Variants in SLC27A1 observed in about 807,000 individuals in gnomAD.
SLC27A1 encodes the protein solute carrier family 27 member 1, also known as long-chain fatty acid transport protein 1.
Under a neutral mutation model 62.2 loss-of-function variants are expected in SLC27A1, and 61 were observed. The observed-to-expected ratio is 0.98, with a 90% CI of 0.80 to 1.21. The LOEUF (loss-of-function observed/expected upper bound fraction) is 1.21. Among genes scored for constraint, SLC27A1 ranks in the 50% most tolerant of loss-of-function variants. The probability of loss-of-function intolerance (pLI) is 0.00; values close to 1 mark genes in which losing one functional copy is unlikely to be tolerated. For missense variants in SLC27A1, 903 were observed against 932.1 expected (o/e 0.97, Z 0.41); for synonymous variants, 435 against 408.6 (o/e 1.06, Z -0.78).
At chr19:17,487,021 G>T (rs12979251) in intron 2 of SLC27A1, 64 bp downstream of exon 2, 536,590 of 1,535,040 alleles carry the variant, frequency 0.35, 100,799 homozygotes, top group Non-Finnish European at 0.39. Flanking sequence ...CGGGCGGGGA[G>T]ATGCTGCGCC....
At chr19:17,489,257 C>T (rs759975462) in intron 6 of SLC27A1, 140 bp downstream of exon 6, 6 of 681,008 alleles carry the variant, frequency 8.8e-6, no homozygotes, top group African/African-American at 1.8e-5. Flanking sequence ...GTCCCGTCCT[C>T]TCCCAGCCAG....
intron 11 of SLC27A1, among the ~76,000 whole-genome samples, chr19:17,502,650 G>C (rs12979071): frequency 0.12 from 18,832 of 151,818 alleles, 1,246 homozygotes; most frequent in Non-Finnish European, 0.15. Context: ...CACTGCACCC[G>C]GCCTCGGTGT....
At position 17,497,240 on chromosome 19, in the gene SLC27A1, C is replaced by G; in HGVS notation, c.997-15C>G. On this transcript the variant is annotated splice_polypyrimidine_tract_variant and intron_variant, in intron 6 of 11. Transcript: ENST00000252595. The stretch of plus-strand genomic sequence containing the variant: ...CTGCCGGTCCCATCACCCACTTCCT[C>G]ACCCCGTCCCCCAGGTGGTTCAGTA... 1 of 1,579,874 alleles carries G rather than the reference C, an allele frequency of 6.3e-7. No homozygotes were observed. The highest frequency in any genetic ancestry group is 8.6e-7 in the Non-Finnish European group (1 of 1,169,446).
intron 1 of SLC27A1, among the ~76,000 whole-genome samples, chr19:17,480,697 AT>A (rs1486553830): frequency 1.3e-5 from 2 of 151,674 alleles, no homozygotes; most frequent in African/African-American, 2.4e-5. Flanking sequence ...AAAAATTTTA[AT>A]TTTAGGCTGC....
At chr19:17,501,834 G>A (rs564873148) in intron 11 of SLC27A1, among the ~76,000 whole-genome samples, 4 of 143,108 alleles carry the variant, frequency 2.8e-5, no homozygotes, top group South Asian at 4.4e-4. Flanking sequence ...ATACCTGGCC[G>A]GGTGTGGTGG....
At chr19:17,481,653 G>A (rs894383233) in intron 1 of SLC27A1, among the ~76,000 whole-genome samples, 8 of 151,876 alleles carry the variant, frequency 5.3e-5, no homozygotes, top group South Asian at 2.1e-4. Context: ...ACAGGCTTGC[G>A]CCACTACCCT....
At chr19:17,480,350 C>CATAT (rs1330186084) in intron 1 of SLC27A1, among the ~76,000 whole-genome samples, 1 of 151,426 alleles carries the variant, frequency 6.6e-6, no homozygotes, top group African/African-American at 2.4e-5. Context: ...ATTTTTGAGA[C>CATAT]ATATATTTCT....
At chr19:17,475,895 G>A (rs1023071131) in intron 1 of SLC27A1, among the ~76,000 whole-genome samples, 1 of 152,132 alleles carries the variant, frequency 6.6e-6, no homozygotes, top group Admixed American at 6.6e-5. Context: ...GGCTGCCTAG[G>A]CATGTGGCTG....
Position 17,486,650 on chromosome 19 carries a change from A to G in SLC27A1, c.255A>G (p.Val85=), listed in dbSNP as rs891050782. Residue 85 remains valine, a synonymous_variant, in exon 2 of 12, where the codon GTA becomes GTG. Transcript: ENST00000252595. This position sits in a 1 kb window ranked among gnomAD's most constrained non-coding sequence, Gnocchi z 6.6. ...CCATCCCGCGCATCTTTCAGGCGGT[A>G]GTGCAGCGACAGCCCGAGCGCCTGG... ...GHTIPRIFQA[V]VQRQPERLAL... is the part of the protein sequence containing the mutation. 3 of 1,606,616 alleles carry G rather than the reference A, an allele frequency of 1.9e-6. No homozygotes were observed. The highest frequency in any genetic ancestry group is 1.7e-5 in the Admixed American group (1 of 59,890).
At position 17,486,995 on chromosome 19, in the gene SLC27A1, A is replaced by G; in HGVS notation, c.562+38A>G. ...GTGGGCATCAGGTGGGCGGGGACCC[A>G]GGACTGGCCCCTGGGCGGGCGGGGA... is the stretch of plus-strand genomic sequence containing the variant. On this transcript the variant is annotated intron_variant, in intron 2 of 11. Coordinates refer to ENST00000252595, the MANE Select transcript of SLC27A1 (RefSeq NM_198580.3). This position sits in a 1 kb window ranked among gnomAD's most constrained non-coding sequence, Gnocchi z 6.6. The G allele has an allele frequency of 6.5e-7, 1 of 1,542,000 alleles. No homozygotes were observed. Among genetic ancestry groups the G allele is most frequent in the Non-Finnish European group, 8.7e-7 (1 of 1,150,018 alleles).
At chr19:17,497,540 G>C in intron 7 of SLC27A1, 76 bp downstream of exon 7, 1 of 1,350,262 alleles carries the variant, frequency 7.4e-7, no homozygotes. Flanking sequence ...GGGGCCCCTG[G>C]GATACATAAA....
At position 17,486,217 on chromosome 19, in the gene SLC27A1, C is replaced by G. The variant is rs1283379873; in HGVS notation, c.168-346C>G. On this transcript the variant is annotated intron_variant, in intron 1 of 11. Transcript: ENST00000252595. The surrounding 1 kb of genome is among the most constrained non-coding windows in gnomAD (Gnocchi z 6.6). Reference sequence around the variant, plus strand: ...TAGGGTGGTCTGAGCATGAAGAGTCCAGGCTGGAGGTGCTGGGGGATGGTG... The same window carrying G: ...TAGGGTGGTCTGAGCATGAAGAGTCGAGGCTGGAGGTGCTGGGGGATGGTG... 6.6e-6 allele frequency among the ~76,000 whole-genome samples: 1 copy of G among 152,164 alleles called. No homozygotes were observed. The highest frequency in any genetic ancestry group is 2.1e-4 in the South Asian group (1 of 4,830).
intron 11 of SLC27A1, 27 bp from the exon 12 acceptor site, chr19:17,504,428 C>T (rs752432852): frequency 1.4e-4 from 229 of 1,613,754 alleles, no homozygotes; most frequent in Non-Finnish European, 1.8e-4. Flanking sequence ...CTGCTCAGCC[C>T]TTATCTGCCC....
At chr19:17,491,920 G>A (rs1346768944) in intron 6 of SLC27A1, among the ~76,000 whole-genome samples, 2 of 152,096 alleles carry the variant, frequency 1.3e-5, no homozygotes, top group African/African-American at 4.8e-5. Flanking sequence ...TATTTCATCT[G>A]TAGGTGCCTT....
chr19:17,492,335 C>G (rs948256784), intron 6 of SLC27A1: 1 of 152,170 alleles, frequency 6.6e-6, no homozygotes, highest in Admixed American at 6.6e-5. Context: ...GACACACCAT[C>G]TTGCATTGGT....
rs761681700 is a variant in SLC27A1 at position 17,501,375 on chromosome 19, C to T, written c.1739C>T (p.Ala580Val). The change falls in exon 11 of 12, where the codon GCC (alanine) becomes GTC (valine). Residue 580 changes from alanine to valine, a missense_variant. Physicochemically the swap from Ala to Val is moderately conservative, Grantham distance 64 (BLOSUM62 0). Transcript: ENST00000252595. Reference sequence around the variant, plus strand: ...CTGCAGAAGGTGCTGGCACCCTATGCCCGGCCCATCTTCCTGCGCCTCCTG... The same window carrying T: ...CTGCAGAAGGTGCTGGCACCCTATGTCCGGCCCATCTTCCTGCGCCTCCTG... ...QELQKVLAPY[A>V]RPIFLRLLPQ... The T allele has an allele frequency of 3.7e-6, 6 of 1,613,716 alleles. No individual in the cohort carries two copies. The East Asian group carries it at 1.1e-4, about 30-fold the overall frequency.
At chr19:17,487,644 G>A in intron 4 of SLC27A1, 115 bp downstream of exon 4, 3 of 1,064,832 alleles carry the variant, frequency 2.8e-6, no homozygotes, top group Non-Finnish European at 4.1e-6. Context: ...TGGGGACAGA[G>A]AGGGCAGCTG....
At chr19:17,498,663 G>T in intron 7 of SLC27A1, 1 of 241,562 alleles carries the variant, frequency 4.1e-6, no homozygotes, top group Non-Finnish European at 7.8e-6. Context: ...GGGCCCGGGG[G>T]ACCACTACCA....
chr19:17,474,691 C>T (rs1306005036), intron 1 of SLC27A1, among the ~76,000 whole-genome samples: 1 of 143,708 alleles, frequency 7.0e-6, no homozygotes, highest in African/African-American at 2.6e-5. Context: ...AGTGCAATGG[C>T]GCGATCTCGG....
Sources: allele counts gnomAD v4.1 joint callset (sites outside exome capture counted in the v4.1 genomes callset), GRCh38; gene constraint gnomAD v4.1.1; non-coding constraint Gnocchi (gnomAD v3.1); transcripts MANE v1.5; gene names NCBI Gene and HGNC (gene_info 2026-07-23, HGNC 2026-07-21).